Variants in DOCK4 observed in about 807,000 individuals in gnomAD.
The protein encoded by DOCK4 is dedicator of cytokinesis protein 4.
Under a neutral mutation model 268.1 loss-of-function variants are expected in DOCK4, and 97 were observed. That is an observed-to-expected ratio of 0.36 (90% CI 0.31 to 0.43). The LOEUF (loss-of-function observed/expected upper bound fraction) is 0.43, where lower values mean the gene tolerates loss of function less well. DOCK4 is among the 20% of genes least tolerant of loss of function. The pLI is 1.00. For missense variants in DOCK4, 2,145 were observed against 2,455.7 expected, an observed-to-expected ratio of 0.87 and a Z score of 2.67; for synonymous variants, 954 against 887.2, an observed-to-expected ratio of 1.08 and a Z score of -1.34.
chr7:111,836,283 T>C (rs574231433), intron 25 of DOCK4, among the ~76,000 whole-genome samples: 2 of 152,078 alleles, frequency 1.3e-5, no homozygotes, highest in South Asian at 4.2e-4. Flanking sequence ...AAACAGTGTT[T>C]CCTTAGTACT....
intron 15 of DOCK4, among the ~76,000 whole-genome samples, chr7:111,897,589 G>A (rs1808864941): frequency 1.3e-5 from 2 of 152,120 alleles, no homozygotes; most frequent in Non-Finnish European, 2.9e-5. Flanking sequence ...TACACTCAGT[G>A]ATGTCATGTT....
intron 52 of DOCK4, 21 bp from the exon 53 acceptor site, chr7:111,728,741 C>A: frequency 6.3e-7 from 1 of 1,583,856 alleles, no homozygotes; most frequent in Admixed American, 1.8e-5. Context: ...GAGAAGGAAA[C>A]GAGAGGGAGA....
At chr7:112,038,645 T>C (rs1327427009) in intron 1 of DOCK4, among the ~76,000 whole-genome samples, 1 of 152,210 alleles carries the variant, frequency 6.6e-6, no homozygotes, top group Non-Finnish European at 1.5e-5. Context: ...ATTAAGTGTG[T>C]GTCTTGACAA....
intron 13 of DOCK4, among the ~76,000 whole-genome samples, chr7:111,905,306 T>C (rs577002056): frequency 2.6e-4 from 40 of 152,304 alleles, no homozygotes; most frequent in African/African-American, 8.4e-4. Flanking sequence ...TCCCTGACAA[T>C]GTTTATTAAC....
At chr7:111,896,631 C>T (rs151146112) in intron 15 of DOCK4, among the ~76,000 whole-genome samples, 70 of 152,098 alleles carry the variant, frequency 4.6e-4, no homozygotes, top group African/African-American at 1.6e-3. Context: ...TACTCTTTCA[C>T]AAGTGGAGCA....
chr7:111,963,016 G>A (rs7777897), intron 8 of DOCK4, among the ~76,000 whole-genome samples: 1 of 152,012 alleles, frequency 6.6e-6, no homozygotes, highest in Non-Finnish European at 1.5e-5. Flanking sequence ...CAGGTCATAT[G>A]AAATATATTC....
chr7:111,996,569 C>T (rs1586601809), intron 4 of DOCK4, among the ~76,000 whole-genome samples: 1 of 152,138 alleles, frequency 6.6e-6, no homozygotes, highest in East Asian at 1.9e-4. Flanking sequence ...GTTTTTCTTC[C>T]AGTAACAGCC....
At chr7:111,970,141 C>T (rs1392107568) in intron 8 of DOCK4, among the ~76,000 whole-genome samples, 2 of 152,062 alleles carry the variant, frequency 1.3e-5, no homozygotes, top group Non-Finnish European at 2.9e-5. Flanking sequence ...CTCGACAGAC[C>T]CCTTATGACA....
At chr7:112,067,092 T>C (rs1314879850) in intron 1 of DOCK4, among the ~76,000 whole-genome samples, 1 of 151,578 alleles carries the variant, frequency 6.6e-6, no homozygotes, top group African/African-American at 2.4e-5. Context: ...AGTGAGAGGA[T>C]TGCTTCACCC....
chr7:112,122,706 T>C (rs1345936913), intron 1 of DOCK4, among the ~76,000 whole-genome samples: 1 of 152,258 alleles, frequency 6.6e-6, no homozygotes, highest in Non-Finnish European at 1.5e-5. Flanking sequence ...TTCATCCTTT[T>C]GTTGTATGCT....
chr7:111,919,240 A>T (rs1792891499), intron 12 of DOCK4, among the ~76,000 whole-genome samples: 1 of 152,210 alleles, frequency 6.6e-6, no homozygotes, highest in Non-Finnish European at 1.5e-5. Flanking sequence ...AATCCTGAAG[A>T]AAATTAAAGA....
chr7:111,728,971 G>C (rs3779459), intron 52 of DOCK4, among the ~76,000 whole-genome samples: 2 of 152,160 alleles, frequency 1.3e-5, no homozygotes, highest in East Asian at 3.9e-4. Context: ...GACACACACA[G>C]ACCTTGCAGG....
chr7:111,771,422 A>C (rs563625089), intron 36 of DOCK4, among the ~76,000 whole-genome samples: 1 of 152,200 alleles, frequency 6.6e-6, no homozygotes, highest in Non-Finnish European at 1.5e-5. Flanking sequence ...CTTCTGTTGC[A>C]TGCACTCTTG....
At chr7:111,812,015 T>A in intron 27 of DOCK4, 66 bp from the exon 28 acceptor site, 2 of 833,504 alleles carry the variant, frequency 2.4e-6, no homozygotes, top group Non-Finnish European at 3.7e-6. Flanking sequence ...TATACAAGAA[T>A]AAAAACCTAC....
chr7:112,073,631 T>G (rs749161243), intron 1 of DOCK4, among the ~76,000 whole-genome samples: 5 of 152,166 alleles, frequency 3.3e-5, no homozygotes, highest in Non-Finnish European at 5.9e-5. Context: ...GAAGATATTA[T>G]GTTAAGCAAA....
At chr7:111,793,913 G>A (rs1025841395) in intron 30 of DOCK4, among the ~76,000 whole-genome samples, 14 of 152,144 alleles carry the variant, frequency 9.2e-5, no homozygotes, top group Non-Finnish European at 1.6e-4. Flanking sequence ...TGTGGCAGGG[G>A]TCAGGGTTGG....
Position 111,926,120 on chromosome 7 carries a change from A to AAAAGAAAG in DOCK4, c.1066+9412_1066+9419dup, listed in dbSNP as rs71524823. On this transcript the variant is annotated intron_variant, in intron 12 of 52. Coordinates refer to ENST00000428084, the MANE Select transcript of DOCK4 (RefSeq NM_001363540.2). ...AGAAAGAGAGAGAGAGAGAAAGAGA[A>AAAAGAAAG]AAAGAAAGAAAGAAAGAAAGAAAGA... Among the ~76,000 whole-genome samples, 481 of 135,194 alleles carry AAAAGAAAG rather than the reference A, an allele frequency of 3.6e-3. 9 individuals carry two copies. The highest frequency in any genetic ancestry group is 0.014 in the African/African-American group (455 of 33,124). 88.7% of individuals were successfully genotyped at this position (135,194 alleles called of 152,430 possible).
chr7:111,784,191 T>C (rs1798996500), intron 32 of DOCK4, 68 bp from the exon 33 acceptor site: 3 of 1,465,614 alleles, frequency 2.0e-6, no homozygotes, highest in Admixed American at 2.0e-5. Flanking sequence ...TACAAACACA[T>C]GCATATAATC....
chr7:111,820,086 T>C (rs1801862119), intron 27 of DOCK4: 1 of 152,200 alleles, frequency 6.6e-6, no homozygotes, highest in South Asian at 2.1e-4. Flanking sequence ...GCACAAATAG[T>C]AGAGGGCTAA....
Sources: allele counts gnomAD v4.1 joint callset (sites outside exome capture counted in the v4.1 genomes callset), GRCh38; gene constraint gnomAD v4.1.1; transcripts MANE v1.5; gene names NCBI Gene and HGNC (gene_info 2026-07-23, HGNC 2026-07-21).